The following TIMM23 variants were observed in gnomAD, a reference collection of about 807,000 sequenced individuals.
The protein encoded by TIMM23 is translocase of inner mitochondrial membrane 23.
TIMM23 carries 19 observed loss-of-function variants against 30.7 expected under a neutral mutation model. That is an observed-to-expected ratio of 0.62 (90% CI 0.43 to 0.91). TIMM23 has a LOEUF of 0.91. Among genes scored for constraint, TIMM23 ranks in the 40% least tolerant of loss-of-function variants. The pLI, the probability that TIMM23 is intolerant of heterozygous loss-of-function variation, is 0.00. For synonymous variants in TIMM23, 78 were observed against 98.5 expected (o/e 0.79, Z 1.23); for missense variants, 202 against 269.2 (o/e 0.75, Z 1.75).
intron 6 of TIMM23, among the ~76,000 whole-genome samples, chr10:45,989,940 AT>A (rs1171534537): frequency 6.6e-6 from 1 of 152,080 alleles, no homozygotes; most frequent in Admixed American, 6.6e-5. Flanking sequence ...CACATACGTG[AT>A]TTTTTAAGTC....
At chr10:45,982,759 A>G in intron 3 of TIMM23, 87 bp from the exon 4 acceptor site, 1 of 1,582,496 alleles carries the variant, frequency 6.3e-7, no homozygotes, top group Non-Finnish European at 8.6e-7. Flanking sequence ...AAAATGAAAA[A>G]GAATCAGAAG....
chr10:46,002,513 C>T, intron 6 of TIMM23: 1 of 984,628 alleles, frequency 1.0e-6, no homozygotes, highest in Non-Finnish European at 1.2e-6. Context: ...CATCCAGAGT[C>T]CAAAGGTTGT....
chr10:45,991,583 T>G (rs1411221030), intron 6 of TIMM23, among the ~76,000 whole-genome samples: 5 of 152,050 alleles, frequency 3.3e-5, no homozygotes, highest in East Asian at 1.9e-4. Flanking sequence ...GAAATCCGGT[T>G]TCCACTAAAA....
chr10:45,997,453 G>A (rs918790441), intron 6 of TIMM23, among the ~76,000 whole-genome samples: 2 of 152,146 alleles, frequency 1.3e-5, no homozygotes, highest in Non-Finnish European at 2.9e-5. Context: ...GCTGGGATGG[G>A]GTGTAGTTAT....
At chr10:46,000,813 A>G (rs1036056776) in intron 6 of TIMM23, among the ~76,000 whole-genome samples, 7 of 152,208 alleles carry the variant, frequency 4.6e-5, no homozygotes, top group Admixed American at 1.3e-4. Flanking sequence ...GTTATAGGAA[A>G]TAGTGTCTGC....
intron 2 of TIMM23, among the ~76,000 whole-genome samples, chr10:45,979,604 G>GC: frequency 9.5e-6 from 1 of 105,590 alleles, no homozygotes; most frequent in Admixed American, 1.2e-4. Context: ...ACCATGCCTG[G>GC]CCTTTTTTTT....
At chr10:46,002,376 G>A (rs782021646) in intron 6 of TIMM23, 19 of 251,518 alleles carry the variant, frequency 7.6e-5, no homozygotes, top group Admixed American at 2.6e-4. Context: ...GGGTTTTGCC[G>A]TGTTGCCTAG....
intron 6 of TIMM23, among the ~76,000 whole-genome samples, chr10:45,996,242 G>T (rs1277364287): frequency 7.0e-6 from 1 of 143,724 alleles, no homozygotes; most frequent in Non-Finnish European, 1.5e-5. Context: ...GGTGCCTGTA[G>T]TCCCAGCTAC....
intron 2 of TIMM23, among the ~76,000 whole-genome samples, chr10:45,980,388 T>G (rs1268408867): frequency 1.0e-3 from 155 of 152,312 alleles, no homozygotes; most frequent in African/African-American, 3.6e-3. Flanking sequence ...CGTGAGCTAC[T>G]GTGCCTAGCC....
At chr10:45,980,850 G>C (rs1348992310) in intron 2 of TIMM23, among the ~76,000 whole-genome samples, 32 of 149,416 alleles carry the variant, frequency 2.1e-4, no homozygotes, top group African/African-American at 6.9e-4. Context: ...TTTTTCAGTT[G>C]ATACTAGCAG....
chr10:45,997,177 A>G (rs1554916876), intron 6 of TIMM23, among the ~76,000 whole-genome samples: 1 of 152,028 alleles, frequency 6.6e-6, no homozygotes, highest in Non-Finnish European at 1.5e-5. Context: ...AGCCGTGATC[A>G]TGCCACTGCA....
At position 45,991,763 on chromosome 10, in the gene TIMM23, G is replaced by A. The variant is rs1467835648; in HGVS notation, c.514+2916G>A. Among the ~76,000 whole-genome samples the A allele has an allele frequency of 4.6e-3, 698 of 151,030 alleles. 5 individuals carry two copies. Among genetic ancestry groups the A allele is most frequent in the East Asian group, 0.019 (97 of 5,162 alleles). ...TGAAACTCTGTCTCAAAAAAAAAAA[G>A]AAAAGAAAAAAGAAAAAAATGATGA... On this transcript the variant is annotated intron_variant, in intron 6 of 6. Coordinates refer to ENST00000580018, the MANE Select transcript of TIMM23 (RefSeq NM_006327.4).
rs1432036500 is a variant in TIMM23, at chr10:45,982,195, TTGTC to T, written c.166-324_166-321del. Among the ~76,000 whole-genome samples the T allele has an allele frequency of 2.0e-3, 299 of 152,340 alleles. 1 individual carries two copies. Among genetic ancestry groups the T allele is most frequent in the African/African-American group, 6.8e-3 (284 of 41,562 alleles). Reference sequence around the variant, plus strand: ...AAGTTATTTGTTTCTTCCAGACTGATTGTCTGTTCTGTTCTTCTCATAGCTTTCA... The same window carrying T: ...AAGTTATTTGTTTCTTCCAGACTGATTGTTCTGTTCTTCTCATAGCTTTCA... On this transcript the variant is annotated intron_variant, in intron 2 of 6. Coordinates refer to ENST00000580018, the MANE Select transcript of TIMM23 (RefSeq NM_006327.4).
Position 46,000,119 on chromosome 10 carries a change from C to A in TIMM23, c.515-3084C>A, listed in dbSNP as rs1382006513. The stretch of plus-strand genomic sequence containing the variant: ...TGCTCTACAATTTGTGCGGTTAACG[C>A]AATTATCACATGGTCCTGAGACGAC... On this transcript the variant is annotated intron_variant, in intron 6 of 6. Coordinates refer to ENST00000580018, the MANE Select transcript of TIMM23 (RefSeq NM_006327.4). 3.9e-5 allele frequency among the ~76,000 whole-genome samples: 6 copies of A among 152,034 alleles called. No homozygotes were observed. In the East Asian group the frequency reaches 1.2e-3, roughly 29 times the overall value.
intron 6 of TIMM23, among the ~76,000 whole-genome samples, chr10:45,991,430 A>G (rs1194941428): frequency 1.3e-5 from 2 of 152,190 alleles, no homozygotes; most frequent in Non-Finnish European, 2.9e-5. Context: ...TTAGTTGAAG[A>G]GATGGTGAGG....
At chr10:45,973,493 T>C (rs1301142041) in intron 1 of TIMM23, among the ~76,000 whole-genome samples, 7 of 152,348 alleles carry the variant, frequency 4.6e-5, no homozygotes, top group African/African-American at 1.7e-4. Flanking sequence ...AGAATCCTTG[T>C]AATATTTCTC....
intron 6 of TIMM23, among the ~76,000 whole-genome samples, chr10:46,000,958 G>A (rs1838513453): frequency 6.6e-6 from 1 of 152,158 alleles, no homozygotes; most frequent in South Asian, 2.1e-4. Context: ...TACCTGCTTG[G>A]AAGAATCCTT....
At position 46,003,412 on chromosome 10, in the gene TIMM23, A is replaced by G. The variant is rs893504865; in HGVS notation, c.*94A>G. On this transcript the variant is annotated 3_prime_UTR_variant, in exon 7 of 7. Coordinates refer to ENST00000580018, the MANE Select transcript of TIMM23 (RefSeq NM_006327.4). The stretch of plus-strand genomic sequence containing the variant: ...AGTTATTCTCTCTCTTCTACCTACA[A>G]TTAGTTTGAAAAATTGGAGATTTTG... The G allele has an allele frequency of 2.3e-5, 20 of 883,172 alleles. No homozygotes were observed. Among genetic ancestry groups the G allele is most frequent in the African/African-American group, 1.7e-4 (10 of 58,804 alleles). 54.7% of individuals were successfully genotyped at this position (883,172 alleles called of 1,614,324 possible).
intron 6 of TIMM23, among the ~76,000 whole-genome samples, chr10:45,991,972 G>GTT (rs587680485): frequency 3.5e-5 from 5 of 142,282 alleles, no homozygotes; most frequent in African/African-American, 1.3e-4. Flanking sequence ...TGTTTCCTTT[G>GTT]TTTTTTTTTT....
Sources: allele counts gnomAD v4.1 joint callset (sites outside exome capture counted in the v4.1 genomes callset), GRCh38; gene constraint gnomAD v4.1.1; transcripts MANE v1.5; gene names NCBI Gene and HGNC (gene_info 2026-07-23, HGNC 2026-07-21).